The following GALNT14 variants were observed in gnomAD, a reference collection of about 807,000 sequenced individuals.
GALNT14 encodes UDP-GalNAc:polypeptide N-acetylgalactosaminyltransferase 14.
In GALNT14, 60 loss-of-function variants were observed where a neutral mutation model predicts 77.5. The observed-to-expected ratio is 0.77, with a 90% confidence interval of 0.63 to 0.96. GALNT14 has a LOEUF of 0.96. Ranked by LOEUF, GALNT14 falls within the 40% of genes least tolerant of loss-of-function variation. The probability of loss-of-function intolerance (pLI) is 0.00; values close to 1 mark genes in which losing one functional copy is unlikely to be tolerated. For synonymous variants in GALNT14, 280 were observed against 281.7 expected (o/e 0.99, Z 0.06); for missense variants, 710 against 731.0 (o/e 0.97, Z 0.33).
intron 2 of GALNT14, among the ~76,000 whole-genome samples, chr2:30,974,389 C>T (rs1158998111): frequency 1.3e-5 from 2 of 152,266 alleles, no homozygotes; most frequent in Non-Finnish European, 2.9e-5. Flanking sequence ...CTTTCCAGAA[C>T]TGCGTCTTTA....
At chr2:30,947,165 C>A (rs998151600) in intron 6 of GALNT14, among the ~76,000 whole-genome samples, 1 of 152,144 alleles carries the variant, frequency 6.6e-6, no homozygotes, top group Admixed American at 6.5e-5. Context: ...TAAACCCGAC[C>A]CCACTCTATC....
chr2:30,964,673 G>A (rs895877251), intron 3 of GALNT14, among the ~76,000 whole-genome samples: 1 of 152,208 alleles, frequency 6.6e-6, no homozygotes, highest in African/African-American at 2.4e-5. Flanking sequence ...ACAGCAGACA[G>A]GGCTGTCCCC....
intron 1 of GALNT14, among the ~76,000 whole-genome samples, chr2:31,103,776 T>TA (rs1183818164): frequency 6.6e-6 from 1 of 152,206 alleles, no homozygotes; most frequent in Admixed American, 6.6e-5. Flanking sequence ...ACAGAACACT[T>TA]ACATTCTCCT....
chr2:30,965,469 G>T (rs551548737), intron 3 of GALNT14, among the ~76,000 whole-genome samples: 1 of 152,002 alleles, frequency 6.6e-6, no homozygotes, highest in African/African-American at 2.4e-5. Flanking sequence ...ATGGGGGAAG[G>T]GGGGTGAAAC....
At chr2:31,054,156 A>C (rs529607585) in intron 1 of GALNT14, among the ~76,000 whole-genome samples, 2 of 152,346 alleles carry the variant, frequency 1.3e-5, no homozygotes, top group East Asian at 3.9e-4. Flanking sequence ...GGCCACTTCG[A>C]GGAAGTCCAG....
At chr2:30,925,154 C>T (rs372524505) in intron 11 of GALNT14, among the ~76,000 whole-genome samples, 7 of 152,076 alleles carry the variant, frequency 4.6e-5, no homozygotes, top group African/African-American at 9.7e-5. Context: ...AATAATTTAC[C>T]GCTGGGGCTC....
At chr2:30,967,070 G>T (rs919652048) in intron 2 of GALNT14, among the ~76,000 whole-genome samples, 6 of 152,154 alleles carry the variant, frequency 3.9e-5, no homozygotes, top group African/African-American at 1.4e-4. Flanking sequence ...TATTTCGGGG[G>T]ATGTTCAATT....
rs796817277 is a variant in GALNT14, at chr2:31,086,571, A to AC, written c.129+51386dup. Among the ~76,000 whole-genome samples the AC allele has an allele frequency of 3.6e-4, 55 of 151,662 alleles. 1 individual carries two copies. Among genetic ancestry groups the AC allele is most frequent in the South Asian group, 1.7e-3 (8 of 4,806 alleles). On this transcript the variant is annotated intron_variant, in intron 1 of 14. Coordinates refer to ENST00000349752, the MANE Select transcript of GALNT14 (RefSeq NM_024572.4). ...CAGCCTTTCAGTGTGAAAAAAAAAA[A>AC]CCATAAAAGGGTATACTTTTACATA...
intron 3 of GALNT14, among the ~76,000 whole-genome samples, chr2:30,965,928 G>A (rs956900814): frequency 5.3e-5 from 8 of 152,256 alleles, no homozygotes; most frequent in African/African-American, 1.9e-4. Flanking sequence ...TGGGGAGGCC[G>A]AGGGCTCTGA....
intron 13 of GALNT14, among the ~76,000 whole-genome samples, chr2:30,916,457 A>G (rs534490732): frequency 6.6e-6 from 1 of 152,298 alleles, no homozygotes; most frequent in Admixed American, 6.5e-5. Flanking sequence ...CAACCCAGAG[A>G]CTGTCCTTAG....
intron 1 of GALNT14, among the ~76,000 whole-genome samples, chr2:31,013,334 A>G (rs907056530): frequency 2.0e-5 from 3 of 152,344 alleles, no homozygotes; most frequent in African/African-American, 7.2e-5. Context: ...ACCACATTCC[A>G]TAAAAAATTG....
chr2:30,955,627 C>T lies in GALNT14; in HGVS notation c.645G>A (p.Arg215=), dbSNP rs757175498. 2 of 1,614,098 alleles carry T rather than the reference C, an allele frequency of 1.2e-6. No homozygotes were observed. Among genetic ancestry groups the T allele is most frequent in the African/African-American group, 1.3e-5 (1 of 75,070 alleles). ...CCTCAGCCTCACTCACCTCTTTGAC[C>T]CTGTGCAACAGAGGCTGGAGCCAGT... ...NRDWLQPLLH[R]VKEDYTRVVC... Residue 215 remains arginine, a synonymous_variant, in exon 6 of 15, where the codon AGG becomes AGA. Coordinates refer to ENST00000349752, the MANE Select transcript of GALNT14 (RefSeq NM_024572.4).
chr2:31,049,924 TG>T (rs1329990168), intron 1 of GALNT14, among the ~76,000 whole-genome samples: 1 of 152,110 alleles, frequency 6.6e-6, no homozygotes, highest in African/African-American at 2.4e-5. Flanking sequence ...ATGAAATTCT[TG>T]GGGGGCAAAG....
intron 5 of GALNT14, 49 bp from the exon 6 acceptor site, chr2:30,955,788 TCCAGCGAGA>T (rs1171434099): frequency 2.5e-6 from 4 of 1,611,424 alleles, no homozygotes; most frequent in Non-Finnish European, 3.4e-6. Context: ...CACTCCATTG[TCCAGCGAGA>T]CCAGGGAGAA....
intron 1 of GALNT14, among the ~76,000 whole-genome samples, chr2:31,128,928 C>T (rs933617588): frequency 6.6e-6 from 1 of 151,742 alleles, no homozygotes; most frequent in African/African-American, 2.4e-5. Context: ...TCCCTTAATC[C>T]CTTTTCCAGT....
chr2:30,949,915 C>T (rs758891844), intron 6 of GALNT14, among the ~76,000 whole-genome samples: 1 of 152,128 alleles, frequency 6.6e-6, no homozygotes, highest in Non-Finnish European at 1.5e-5. Context: ...GGGAGGAATC[C>T]TCAAGGAGGT....
At chr2:31,050,480 T>C (rs948400068) in intron 1 of GALNT14, among the ~76,000 whole-genome samples, 1 of 151,954 alleles carries the variant, frequency 6.6e-6, no homozygotes, top group African/African-American at 2.4e-5. Context: ...AAGGAGCAAG[T>C]GCAGACAGAC....
chr2:31,071,657 C>G (rs949012540), intron 1 of GALNT14, among the ~76,000 whole-genome samples: 1 of 152,160 alleles, frequency 6.6e-6, no homozygotes, highest in Non-Finnish European at 1.5e-5. Flanking sequence ...ATCTGCCCCC[C>G]GGTTTCTAAG....
intron 1 of GALNT14, among the ~76,000 whole-genome samples, chr2:31,085,608 C>T (rs1676389075): frequency 6.6e-6 from 1 of 152,234 alleles, no homozygotes; most frequent in African/African-American, 2.4e-5. Context: ...ACCTCTATCA[C>T]CCAGTCCCCT....
Sources: allele counts gnomAD v4.1 joint callset (sites outside exome capture counted in the v4.1 genomes callset), GRCh38; gene constraint gnomAD v4.1.1; transcripts MANE v1.5; gene names NCBI Gene and HGNC (gene_info 2026-07-23, HGNC 2026-07-21).